The following DENND1A variants were observed in gnomAD, a reference collection of about 807,000 sequenced individuals.
DENND1A encodes DENN domain-containing protein 1A.
In DENND1A, 51 loss-of-function variants were observed where a neutral mutation model predicts 113.7. That is an observed-to-expected ratio of 0.45 (90% confidence interval 0.36 to 0.57). The LOEUF is 0.57. Among genes scored for constraint, DENND1A ranks in the 20% least tolerant of loss-of-function variants. DENND1A has a pLI of 0.00. For synonymous variants in DENND1A, 565 were observed against 570.8 expected (o/e 0.99, Z 0.14); for missense variants, 1,258 against 1,395.9 (o/e 0.90, Z 1.57).
At chr9:123,863,544 T>G (rs182019487) in intron 2 of DENND1A, among the ~76,000 whole-genome samples, 1 of 152,054 alleles carries the variant, frequency 6.6e-6, no homozygotes, top group East Asian at 1.9e-4. Context: ...CTTGTTAAAC[T>G]CGAGTGTGCT....
At chr9:123,538,755 T>A (rs1426879630) in intron 13 of DENND1A, among the ~76,000 whole-genome samples, 1 of 107,326 alleles carries the variant, frequency 9.3e-6, no homozygotes, top group East Asian at 2.5e-4. Flanking sequence ...TGTGAGTGTG[T>A]GTGTGTGTGT....
At chr9:123,760,843 T>G (rs2131472199) in intron 4 of DENND1A, among the ~76,000 whole-genome samples, 1 of 152,310 alleles carries the variant, frequency 6.6e-6, no homozygotes, top group Non-Finnish European at 1.5e-5. Context: ...TTTATTAAAA[T>G]ATTTAAAGCA....
intron 11 of DENND1A, among the ~76,000 whole-genome samples, chr9:123,598,316 C>T (rs2137280025): frequency 6.6e-6 from 1 of 152,216 alleles, no homozygotes; most frequent in Non-Finnish European, 1.5e-5. Flanking sequence ...AACTCAGCCC[C>T]AAGTCCAGTT....
intron 2 of DENND1A, among the ~76,000 whole-genome samples, chr9:123,801,241 A>G (rs1472522860): frequency 1.3e-5 from 2 of 152,182 alleles, no homozygotes; most frequent in African/African-American, 4.8e-5. Context: ...GTTGTGCCAC[A>G]ATCACCACTA....
chr9:123,465,997 T>G (rs1450648406), intron 13 of DENND1A, among the ~76,000 whole-genome samples: 1 of 151,294 alleles, frequency 6.6e-6, no homozygotes, highest in African/African-American at 2.4e-5. Flanking sequence ...TTTATTTCTT[T>G]TTTTCTTTTT....
intron 21 of DENND1A, among the ~76,000 whole-genome samples, chr9:123,388,527 C>T (rs1401377203): frequency 3.3e-5 from 5 of 152,322 alleles, no homozygotes; most frequent in South Asian, 4.1e-4. Context: ...AGAGCTCTCG[C>T]GAGAAGGCCC....
chr9:123,880,716 G>A (rs1003790069), intron 1 of DENND1A, among the ~76,000 whole-genome samples: 1 of 152,134 alleles, frequency 6.6e-6, no homozygotes, highest in African/African-American at 2.4e-5. Flanking sequence ...CATGCAAAGG[G>A]ATTCTAAAGT....
rs1180434511 is a variant in DENND1A at position 123,452,314 on chromosome 9, T to C, written c.1261A>G (p.Thr421Ala). 2 of 1,614,146 alleles carry C rather than the reference T, an allele frequency of 1.2e-6. No homozygotes were observed. Among genetic ancestry groups the C allele is most frequent in the Non-Finnish European group, 8.5e-7 (1 of 1,180,044 alleles). The change falls in exon 17 of 24, where the codon ACC (threonine) becomes GCC (alanine). Residue 421 changes from threonine (T) to alanine (A), a missense_variant. Around this residue, in one of 2 missense-constraint regions of DENND1A, gnomAD observed 1,159 missense variants for 1,231.7 expected, o/e 0.94. Transcript: ENST00000394215. ...GTCTTCATGGCCGGATTTGCTTTGG[T>C]CTTTACAGTATTCAGAATTGCTCCA... ...GSGAILNTVKTKANPAMKTVY... is the reference protein window; with the variant it reads ...GSGAILNTVKAKANPAMKTVY...
rs901207908 is a variant in DENND1A at position 123,929,945 on chromosome 9, G to C, written c.-40C>G. 26 of 307,390 alleles carry C rather than the reference G, an allele frequency of 8.5e-5. 1 individual carries two copies. The highest frequency in any genetic ancestry group is 1.5e-4 in the Non-Finnish European group (26 of 170,418). The allele number at this position is 307,390 out of a possible 1,614,324, so 19.0% of individuals were successfully genotyped here. A position where few individuals can be genotyped will look rare whatever the true frequency, so the allele number is the denominator to read the frequency against. ...CTCATGGGCCCGCGGGCCCCGCTCG[G>C]CGCTGCGCTGCCCGCCCGCCCGCGG... On this transcript the variant is annotated 5_prime_UTR_variant, in exon 1 of 24. Transcript: ENST00000394215.
Position 123,565,477 on chromosome 9 carries a change from A to AT in DENND1A, c.868-7783dup, listed in dbSNP as rs547003716. Among the ~76,000 whole-genome samples the AT allele has an allele frequency of 3.2e-3, 490 of 152,274 alleles. 1 individual carries two copies. The highest frequency in any genetic ancestry group is 4.9e-3 in the Non-Finnish European group (330 of 68,014). ...TGGGTGTCACAGTTGGAGTTGAAAG[A>AT]TTTTTTATTATTATTATTACAAATT... On this transcript the variant is annotated intron_variant, in intron 12 of 23. Coordinates refer to ENST00000394215, the MANE Select transcript of DENND1A (RefSeq NM_001352964.2).
At chr9:123,444,733 T>A (rs865978889) in intron 18 of DENND1A, among the ~76,000 whole-genome samples, 18 of 152,232 alleles carry the variant, frequency 1.2e-4, no homozygotes, top group African/African-American at 3.9e-4. Flanking sequence ...AAAATGCAGG[T>A]TATAAAATGA....
At chr9:123,500,777 CAA>C (rs2052409231) in intron 13 of DENND1A, among the ~76,000 whole-genome samples, 1 of 152,182 alleles carries the variant, frequency 6.6e-6, no homozygotes. Flanking sequence ...CGCTGTCACA[CAA>C]AGACAGAACC....
At position 123,745,513 on chromosome 9, in the gene DENND1A, A is replaced by G. The variant is rs144131497; in HGVS notation, c.302+12190T>C. On this transcript the variant is annotated intron_variant, in intron 5 of 23. Coordinates refer to ENST00000394215, the MANE Select transcript of DENND1A (RefSeq NM_001352964.2). ...AAATGGTGAAACCACTGAAGGAAAC[A>G]ATTTGGCATTATCTCAATAAAGTTG... 5.2e-3 allele frequency among the ~76,000 whole-genome samples: 793 copies of G among 152,372 alleles called. 2 individuals are homozygous for G. The highest frequency in any genetic ancestry group is 8.9e-3 in the Non-Finnish European group (606 of 68,030).
chr9:123,582,392 C>A (rs2058944726), intron 12 of DENND1A, among the ~76,000 whole-genome samples: 1 of 151,802 alleles, frequency 6.6e-6, no homozygotes, highest in Non-Finnish European at 1.5e-5. Flanking sequence ...AATAAACCTT[C>A]TTCTAACTTT....
chr9:123,805,727 C>T (rs1835433137), intron 2 of DENND1A, among the ~76,000 whole-genome samples: 1 of 152,012 alleles, frequency 6.6e-6, no homozygotes, highest in Non-Finnish European at 1.5e-5. Flanking sequence ...AGCCACTGCA[C>T]CATCCTATAT....
chr9:123,460,900 G>A (rs2048472984), intron 13 of DENND1A, among the ~76,000 whole-genome samples: 3 of 152,202 alleles, frequency 2.0e-5, no homozygotes, highest in Admixed American at 2.0e-4. Context: ...TATGCTTCAC[G>A]CAGGCCGGAA....
At chr9:123,609,671 G>A (rs568727901) in intron 10 of DENND1A, among the ~76,000 whole-genome samples, 190 bp from the exon 11 acceptor site, 1 of 152,244 alleles carries the variant, frequency 6.6e-6, no homozygotes, top group South Asian at 2.1e-4. Flanking sequence ...ATTTCAAAAC[G>A]TGGGCAGCAT....
intron 5 of DENND1A, among the ~76,000 whole-genome samples, chr9:123,683,750 G>A (rs966978602): frequency 1.3e-5 from 2 of 152,142 alleles, no homozygotes; most frequent in Non-Finnish European, 2.9e-5. Flanking sequence ...ATCAAGGACG[G>A]TGACTGTGTA....
chr9:123,816,428 C>T (rs1018512831), intron 2 of DENND1A, among the ~76,000 whole-genome samples: 2 of 152,134 alleles, frequency 1.3e-5, no homozygotes, highest in African/African-American at 4.8e-5. Flanking sequence ...AAGCTCTCCC[C>T]ACAATAAAAT....
Sources: gnomAD v4.1 joint callset for allele counts (sites outside exome capture counted in the v4.1 genomes callset) on GRCh38, gnomAD v4.1.1 for gene constraint, gnomAD v4.1.1 regional missense constraint, MANE v1.5 for transcripts, NCBI Gene and HGNC (gene_info 2026-07-23, HGNC 2026-07-21) for gene names.